Variants in MYO16 observed in about 807,000 individuals in gnomAD.
MYO16 encodes the protein unconventional myosin-XVI.
A neutral mutation model predicts 205.3 loss-of-function variants in MYO16; 94 were observed. The observed-to-expected ratio is 0.46, with a 90% confidence interval of 0.39 to 0.54. The LOEUF is 0.54. Among genes scored for constraint, MYO16 ranks in the 20% least tolerant of loss-of-function variants. The pLI is 0.00. For synonymous variants in MYO16, 988 were observed against 954.0 expected (o/e 1.04, Z -0.66); for missense variants, 2,315 against 2,387.5 (o/e 0.97, Z 0.63).
intron 17 of MYO16, among the ~76,000 whole-genome samples, chr13:108,961,112 A>G (rs1271065651): frequency 6.6e-6 from 1 of 152,158 alleles, no homozygotes; most frequent in Non-Finnish European, 1.5e-5. Flanking sequence ...TAGGTTCTTG[A>G]ATGAAGCGGC....
intron 33 of MYO16, among the ~76,000 whole-genome samples, chr13:109,170,422 A>G (rs1878878114): frequency 6.6e-6 from 1 of 152,114 alleles, no homozygotes; most frequent in Admixed American, 6.5e-5. Context: ...GAGGATGGCA[A>G]TTTCATTTGG....
chr13:108,628,501 G>T (rs572765314), upstream of MYO16, among the ~76,000 whole-genome samples: 2 of 152,274 alleles, frequency 1.3e-5, no homozygotes, highest in African/African-American at 4.8e-5. Flanking sequence ...GGAAACTGAG[G>T]CTTTAGCAGG....
chr13:109,127,215 T>C lies in MYO16; in HGVS notation c.3783-67T>C. On this transcript the variant is annotated intron_variant, in intron 30 of 34. Transcript: ENST00000457511. This position sits in a 1 kb window ranked among gnomAD's most constrained non-coding sequence, Gnocchi z 4.2. Reference sequence around the variant, plus strand: ...CATTATGTCTGCTTGAGCAGGTTCCTTGTTACCGGAATAATGCATCTGGGC... The same window carrying C: ...CATTATGTCTGCTTGAGCAGGTTCCCTGTTACCGGAATAATGCATCTGGGC... 6.7e-7 allele frequency: 1 copy of C among 1,495,962 alleles called. No homozygotes were observed. Among genetic ancestry groups the C allele is most frequent in the Non-Finnish European group, 8.9e-7 (1 of 1,121,162 alleles). The allele number at this position is 1,495,962 out of a possible 1,614,324, so 92.7% of individuals were successfully genotyped here.
At chr13:108,879,370 T>A (rs1268264270) in intron 12 of MYO16, among the ~76,000 whole-genome samples, 2 of 152,188 alleles carry the variant, frequency 1.3e-5, no homozygotes, top group Non-Finnish European at 2.9e-5. Context: ...CAACCTTTTT[T>A]TTATTATTAT....
chr13:108,794,532 G>C (rs1157541187), intron 6 of MYO16, among the ~76,000 whole-genome samples: 1 of 152,176 alleles, frequency 6.6e-6, no homozygotes, highest in Non-Finnish European at 1.5e-5. Context: ...AACTATGGAT[G>C]ACTTTGGTGA....
chr13:109,197,288 A>C (rs2139960331), intron 34 of MYO16, among the ~76,000 whole-genome samples: 1 of 152,294 alleles, frequency 6.6e-6, no homozygotes, highest in South Asian at 2.1e-4. Flanking sequence ...TGTGAATGTG[A>C]AATACAACTC....
chr13:108,882,989 T>G, intron 12 of MYO16, 70 bp from the exon 13 acceptor site: 1 of 1,569,580 alleles, frequency 6.4e-7, no homozygotes, highest in Admixed American at 1.8e-5. Context: ...GAAGTCACTC[T>G]CATTATGGGA....
At chr13:108,661,484 T>C (rs1881499321) in intron 1 of MYO16, among the ~76,000 whole-genome samples, 1 of 152,078 alleles carries the variant, frequency 6.6e-6, no homozygotes, top group Admixed American at 6.5e-5. Context: ...TATTTTCTTA[T>C]TCTGTTTTCT....
chr13:108,636,363 TTTTTTTTGTGTG>T (rs1234728640), intron 1 of MYO16, among the ~76,000 whole-genome samples: 4 of 77,508 alleles, frequency 5.2e-5, no homozygotes, highest in African/African-American at 1.9e-4. Flanking sequence ...TTTTTTTTTT[TTTTTTTTGTGTG>T]TGTGTGTGTG....
Position 109,055,034 on chromosome 13 carries a change from T to G in MYO16, c.3049-12T>G. Reference sequence around the variant, plus strand: ...TTTTCTCCTGTCCTTCTTGTCTTTCTTTTTATTACAGTTATTAAAAAAGAA... The same window carrying G: ...TTTTCTCCTGTCCTTCTTGTCTTTCGTTTTATTACAGTTATTAAAAAAGAA... On this transcript the variant is annotated splice_polypyrimidine_tract_variant and intron_variant, in intron 25 of 34. Coordinates refer to ENST00000457511, the MANE Select transcript of MYO16 (RefSeq NM_001198950.3). The surrounding 1 kb of genome is among the most constrained non-coding windows in gnomAD (Gnocchi z 5.0). 1 of 1,505,816 alleles carries G rather than the reference T, an allele frequency of 6.6e-7. No individual in the cohort carries two copies. Among genetic ancestry groups the G allele is most frequent in the Admixed American group, 2.0e-5 (1 of 49,700 alleles). The allele number at this position is 1,505,816 out of a possible 1,614,324, so 93.3% of individuals were successfully genotyped here.
intron 16 of MYO16, among the ~76,000 whole-genome samples, chr13:108,953,872 T>C (rs1471969735): frequency 2.0e-5 from 3 of 152,236 alleles, no homozygotes; most frequent in Non-Finnish European, 4.4e-5. Flanking sequence ...TGTGTTTTTT[T>C]CTTCGTCTTT....
chr13:108,828,491 T>C (rs1026745700), intron 9 of MYO16, among the ~76,000 whole-genome samples: 1 of 152,190 alleles, frequency 6.6e-6, no homozygotes, highest in Admixed American at 6.5e-5. Context: ...AGAATCTGGC[T>C]GATTTTTATC....
chr13:108,949,712 TA>T (rs939526463), intron 16 of MYO16, among the ~76,000 whole-genome samples: 4 of 151,628 alleles, frequency 2.6e-5, no homozygotes, highest in East Asian at 1.9e-4. Flanking sequence ...TTCTAATAGC[TA>T]AAAAAAATAA....
chr13:108,765,084 GTC>G (rs1269820610), intron 4 of MYO16, among the ~76,000 whole-genome samples: 2 of 151,948 alleles, frequency 1.3e-5, no homozygotes, highest in Non-Finnish European at 2.9e-5. Flanking sequence ...TTCTTAATCA[GTC>G]TCTCTCCACT....
At chr13:108,773,886 G>T (rs2138887724) in intron 4 of MYO16, among the ~76,000 whole-genome samples, 1 of 152,068 alleles carries the variant, frequency 6.6e-6, no homozygotes, top group Middle Eastern at 3.4e-3. Flanking sequence ...CTTAAAATGT[G>T]ATTATTCCAG....
chr13:108,712,150 G>C lies in MYO16; in HGVS notation c.293-511G>C, dbSNP rs115740436. The stretch of plus-strand genomic sequence containing the variant: ...TGATGTATTTGACTTAACTAATTTG[G>C]ATATATGTGGCTTTGTTCTGACGTG... On this transcript the variant is annotated intron_variant, in intron 2 of 34. Coordinates refer to ENST00000457511, the MANE Select transcript of MYO16 (RefSeq NM_001198950.3). Among the ~76,000 whole-genome samples the C allele has an allele frequency of 4.9e-3, 753 of 152,264 alleles. 4 individuals are homozygous for C. The highest frequency in any genetic ancestry group is 0.017 in the African/African-American group (723 of 41,542).
rs138398495 is a variant in MYO16, at chr13:109,188,896, C to T, written c.5415+9263C>T. ...ATCACCTGAGGTCAGGAGTTCGAGA[C>T]CACCCTGGCCAACCTGGAGAAAACC... On this transcript the variant is annotated intron_variant, in intron 34 of 34. Coordinates refer to ENST00000457511, the MANE Select transcript of MYO16 (RefSeq NM_001198950.3). Among the ~76,000 whole-genome samples, 735 of 152,176 alleles carry T rather than the reference C, an allele frequency of 4.8e-3. 3 individuals are homozygous for T. The highest frequency in any genetic ancestry group is 8.5e-3 in the Non-Finnish European group (576 of 68,010).
At chr13:108,636,542 G>A (rs1371662619) in intron 1 of MYO16, among the ~76,000 whole-genome samples, 1 of 151,814 alleles carries the variant, frequency 6.6e-6, no homozygotes, top group Non-Finnish European at 1.5e-5. Context: ...ACAACACCGA[G>A]CTAATTTTTG....
chr13:108,879,304 A>G (rs1879485877), intron 12 of MYO16, among the ~76,000 whole-genome samples: 1 of 152,322 alleles, frequency 6.6e-6, no homozygotes, highest in Non-Finnish European at 1.5e-5. Flanking sequence ...TATTTTTGCT[A>G]TAATTTTAAA....
Sources: gnomAD v4.1 joint callset for allele counts (sites outside exome capture counted in the v4.1 genomes callset) on GRCh38, gnomAD v4.1.1 for gene constraint, Gnocchi (gnomAD v3.1) non-coding constraint, MANE v1.5 for transcripts, NCBI Gene and HGNC (gene_info 2026-07-23, HGNC 2026-07-21) for gene names.